The following CES1 variants were observed in gnomAD, a reference collection of about 807,000 sequenced individuals.
CES1 encodes liver carboxylesterase 1.
CES1 carries 50 observed loss-of-function variants against 53.0 expected under a neutral mutation model. The observed-to-expected ratio is 0.94, with a 90% CI of 0.75 to 1.19. CES1 has a LOEUF of 1.19. CES1 is among the 50% of genes most tolerant of loss of function. CES1 has a pLI of 0.00. For synonymous variants in CES1, 202 were observed against 210.1 expected (o/e 0.96, Z 0.33); for missense variants, 534 against 538.0 (o/e 0.99, Z 0.07).
At chr16:55,824,736 A>T (rs1489802262) in intron 3 of CES1, among the ~76,000 whole-genome samples, 7 of 152,236 alleles carry the variant, frequency 4.6e-5, no homozygotes, top group Non-Finnish European at 4.4e-5. Context: ...AGGGACTGAG[A>T]TCACGCTTAG....
Position 55,819,776 on chromosome 16 carries a change from G to T in CES1, c.802-137C>A, listed in dbSNP as rs1264614817. On this transcript the variant is annotated intron_variant, in intron 6 of 13. Transcript: ENST00000360526. ...CAGAAGATACTGTAGACCCGTGGGT[G>T]TGGGTTCCAGGTCCCACGGAGCGTT... 63 of 786,888 alleles carry T rather than the reference G, an allele frequency of 8.0e-5. 1 individual carries two copies. Among genetic ancestry groups the T allele is most frequent in the Admixed American group, 2.8e-4 (15 of 53,314 alleles). The allele number at this position is 786,888 out of a possible 1,614,324, so 48.7% of individuals were successfully genotyped here.
In CES1 at chr16:55,811,236, T is replaced by C. The variant is rs117942653; in HGVS notation, c.1087-226A>G. Among the ~76,000 whole-genome samples, 10 of 151,584 alleles carry C rather than the reference T, an allele frequency of 6.6e-5. No homozygotes were observed. The East Asian group carries it at 1.7e-3, about 26-fold the overall frequency. On this transcript the variant is annotated intron_variant, in intron 9 of 13. Coordinates refer to ENST00000360526, the MANE Select transcript of CES1 (RefSeq NM_001025195.2). The stretch of plus-strand genomic sequence containing the variant: ...AAAAAAAAAAAACAAAAAACAAAAT[T>C]TCAGAGAAGCTGTGGCAGTGTTTTG...
At chr16:55,818,677 C>G (rs1467283100) in intron 7 of CES1, among the ~76,000 whole-genome samples, 5 of 151,914 alleles carry the variant, frequency 3.3e-5, no homozygotes, top group African/African-American at 9.7e-5. Context: ...TCCTTGAGAG[C>G]AGGGACTATG....
intron 5 of CES1, among the ~76,000 whole-genome samples, chr16:55,821,160 A>G (rs1179136381): frequency 6.6e-6 from 1 of 152,128 alleles, no homozygotes; most frequent in African/African-American, 2.4e-5. Context: ...ATATGGCCCC[A>G]GGACACTAAG....
chr16:55,822,078 A>G (rs1186718536), intron 4 of CES1, among the ~76,000 whole-genome samples: 1 of 152,266 alleles, frequency 6.6e-6, no homozygotes, highest in Non-Finnish European at 1.5e-5. Context: ...AAGCAAGTGC[A>G]AAGGGCCTGG....
At chr16:55,811,907 G>C (rs1395926839) in intron 9 of CES1, among the ~76,000 whole-genome samples, 1 of 152,150 alleles carries the variant, frequency 6.6e-6, no homozygotes. Context: ...TTCTTCCTGC[G>C]GTCTAATGCA....
At chr16:55,826,990 A>T (rs570363642) in intron 2 of CES1, among the ~76,000 whole-genome samples, 11 of 152,282 alleles carry the variant, frequency 7.2e-5, no homozygotes, top group Middle Eastern at 3.4e-3. Context: ...CATTTTACAG[A>T]TGAGAAAACT....
chr16:55,817,897 T>C (rs2032014598), intron 7 of CES1, among the ~76,000 whole-genome samples: 1 of 152,186 alleles, frequency 6.6e-6, no homozygotes, highest in Admixed American at 6.5e-5. Context: ...TCCCAAAGAC[T>C]CAACTCTTCC....
At chr16:55,810,707 T>C in intron 10 of CES1, 43 bp from the exon 11 acceptor site, 1 of 1,608,760 alleles carries the variant, frequency 6.2e-7, no homozygotes, top group South Asian at 1.1e-5. Flanking sequence ...GGGTGAGCGA[T>C]GCAGCTTCTC....
intron 7 of CES1, 108 bp from the exon 8 acceptor site, chr16:55,817,070 A>G (rs1431901819): frequency 8.4e-7 from 1 of 1,193,438 alleles, no homozygotes; most frequent in Admixed American, 1.7e-5. Context: ...CACTCCGTGA[A>G]TTCGTATATC....
At chr16:55,829,653 G>A (rs188316945) in intron 1 of CES1, among the ~76,000 whole-genome samples, 2 of 152,212 alleles carry the variant, frequency 1.3e-5, no homozygotes, top group Non-Finnish European at 2.9e-5. Context: ...GTGGAGTCTG[G>A]GGGGAGTGGA....
intron 1 of CES1, among the ~76,000 whole-genome samples, chr16:55,831,267 G>A (rs111357269): frequency 0.03 from 4,486 of 151,758 alleles, 100 homozygotes; most frequent in South Asian, 0.066. Flanking sequence ...GCAAGAGGGC[G>A]AGGAACCAGC....
At chr16:55,808,659 G>A (rs1279717350) in intron 11 of CES1, among the ~76,000 whole-genome samples, 19 of 152,116 alleles carry the variant, frequency 1.2e-4, no homozygotes, top group Admixed American at 1.2e-3. Flanking sequence ...TGTGTTTAGA[G>A]ACTTATGAAC....
chr16:55,832,441 T>G (rs1419538700), intron 1 of CES1, among the ~76,000 whole-genome samples: 1 of 152,214 alleles, frequency 6.6e-6, no homozygotes, highest in East Asian at 1.9e-4. Context: ...TTTCGTGCTT[T>G]CTACATACCA....
chr16:55,821,509 T>C lies in CES1; in HGVS notation c.552A>G (p.Glu184=). ...GIWGFFSTGD[E]HSRGNWGHLD... is the part of the protein sequence containing the mutation. ...GGTGACCCCAGTTCCCCCGGCTGTG[T>C]TCATCCCCTGTGCTGTGAGGAAGAG... is the stretch of plus-strand genomic sequence containing the variant. The change falls in exon 5 of 14, where the codon GAA becomes GAG. Residue 184 remains glutamate, a synonymous_variant. Coordinates refer to ENST00000360526, the MANE Select transcript of CES1 (RefSeq NM_001025195.2). The C allele has an allele frequency of 6.2e-7, 1 of 1,614,136 alleles. No individual in the cohort carries two copies. The highest frequency in any genetic ancestry group is 8.5e-7 in the Non-Finnish European group (1 of 1,180,004).
At chr16:55,825,219 C>A (rs2032371311) in intron 3 of CES1, among the ~76,000 whole-genome samples, 1 of 151,506 alleles carries the variant, frequency 6.6e-6, no homozygotes, top group Non-Finnish European at 1.5e-5. Context: ...AATGAGTAAA[C>A]CTTTCTCTCA....
At chr16:55,812,128 A>G (rs2031726821) in intron 9 of CES1, among the ~76,000 whole-genome samples, 1 of 152,192 alleles carries the variant, frequency 6.6e-6, no homozygotes, top group African/African-American at 2.4e-5. Context: ...TTGCAATCAT[A>G]TTACTGAATA....
At chr16:55,808,627 A>G (rs764360296) in intron 11 of CES1, among the ~76,000 whole-genome samples, 1 of 152,204 alleles carries the variant, frequency 6.6e-6, no homozygotes, top group Non-Finnish European at 1.5e-5. Flanking sequence ...TCTAAAAATA[A>G]TCCTAAGAAA....
chr16:55,826,196 G>A lies in CES1; in HGVS notation c.360C>T (p.Leu120=), dbSNP rs2032409515. 3 of 1,613,956 alleles carry A rather than the reference G, an allele frequency of 1.9e-6. No homozygotes were observed. The highest frequency in any genetic ancestry group is 1.7e-6 in the Non-Finnish European group (2 of 1,179,868). ...PLKLSEDCLY[L]NIYTPADLTK... ...TCAAGTCAGCAGGAGTGTAAATATT[G>A]AGGTAAAGACAGTCTTCAGAAAGCT... Residue 120 remains leucine, a synonymous_variant, in exon 3 of 14, where the codon CTC becomes CTT. Coordinates refer to ENST00000360526, the MANE Select transcript of CES1 (RefSeq NM_001025195.2).
Sources: allele counts gnomAD v4.1 joint callset (sites outside exome capture counted in the v4.1 genomes callset), GRCh38; gene constraint gnomAD v4.1.1; transcripts MANE v1.5; gene names NCBI Gene and HGNC (gene_info 2026-07-23, HGNC 2026-07-21).